Variants in ATP8A2 observed in about 807,000 individuals in gnomAD.
ATP8A2 encodes phospholipid-transporting ATPase IB.
In ATP8A2, 100 loss-of-function variants were observed where a neutral mutation model predicts 165.6. That is an observed-to-expected ratio of 0.60 (90% CI 0.51 to 0.71). The LOEUF is 0.71. Among genes scored for constraint, ATP8A2 ranks in the 30% least tolerant of loss-of-function variants. The pLI is 0.00. For synonymous variants in ATP8A2, 543 were observed against 548.8 expected, an observed-to-expected ratio of 0.99 and a Z score of 0.15; for missense variants, 1,227 against 1,479.5, an observed-to-expected ratio of 0.83 and a Z score of 2.80.
At position 25,953,925 on chromosome 13, in the gene ATP8A2, G is replaced by A. The variant is rs1385703346; in HGVS notation, c.3184-7650G>A. ...TGGGTTTCAAGCACAAAACTGCATG[G>A]CTGTTTCGGCAGACACCGAGCTAGC... On this transcript the variant is annotated intron_variant, in intron 33 of 36. Coordinates refer to ENST00000381655, the MANE Select transcript of ATP8A2 (RefSeq NM_016529.6). The surrounding 1 kb of genome is among the most constrained non-coding windows in gnomAD (Gnocchi z 6.7). 1.3e-5 allele frequency among the ~76,000 whole-genome samples: 2 copies of A among 151,498 alleles called. No individual in the cohort carries two copies.
intron 25 of ATP8A2, among the ~76,000 whole-genome samples, chr13:25,705,733 C>T (rs868446968): frequency 1.3e-5 from 2 of 152,166 alleles, no homozygotes; most frequent in Admixed American, 6.5e-5. Context: ...ATGGCATTCA[C>T]AATCCCCCCA....
intron 27 of ATP8A2, among the ~76,000 whole-genome samples, chr13:25,820,965 A>G (rs934901598): frequency 6.7e-6 from 1 of 150,100 alleles, no homozygotes; most frequent in African/African-American, 2.5e-5. Flanking sequence ...TTTTTTCTCT[A>G]CCAAGTAAAT....
intron 33 of ATP8A2, among the ~76,000 whole-genome samples, chr13:25,872,586 A>T (rs1952708340): frequency 6.6e-6 from 1 of 152,182 alleles, no homozygotes; most frequent in African/African-American, 2.4e-5. Flanking sequence ...CCCAAGGAAA[A>T]GAAGACAGCG....
intron 33 of ATP8A2, among the ~76,000 whole-genome samples, chr13:25,960,460 C>G (rs1398088480): frequency 1.3e-5 from 2 of 152,058 alleles, no homozygotes; most frequent in Non-Finnish European, 2.9e-5. Flanking sequence ...AAGTCTCACT[C>G]TCCTTTGCAG....
intron 1 of ATP8A2, among the ~76,000 whole-genome samples, chr13:25,427,286 T>C (rs75401963): frequency 0.022 from 3,313 of 151,890 alleles, 127 homozygotes; most frequent in African/African-American, 0.075. Context: ...GAAAATCTAA[T>C]GCCTGATGAT....
At chr13:25,965,051 C>G (rs573378979) in intron 34 of ATP8A2, among the ~76,000 whole-genome samples, 1 of 152,266 alleles carries the variant, frequency 6.6e-6, no homozygotes, top group East Asian at 1.9e-4. Flanking sequence ...CCCAGCTACT[C>G]AGGAGGCTGA....
intron 33 of ATP8A2, among the ~76,000 whole-genome samples, chr13:25,942,361 T>C (rs1472514507): frequency 6.6e-6 from 1 of 152,246 alleles, no homozygotes; most frequent in Non-Finnish European, 1.5e-5. Context: ...GGCTTTTCTC[T>C]AACTTTTTTT....
At chr13:25,575,191 G>A (rs944318744) in intron 19 of ATP8A2, among the ~76,000 whole-genome samples, 4 of 152,140 alleles carry the variant, frequency 2.6e-5, no homozygotes, top group African/African-American at 9.7e-5. Flanking sequence ...TTTCATTGGC[G>A]TTTCCCAAGT....
rs140401724 is a variant in ATP8A2 at position 25,609,232 on chromosome 13, A to G, written c.2211+19533A>G. ...GGAAAAAAAGCAAAAAGATAAAAAT[A>G]AACAATTTTAGGAATGAGAAAAGAG... On this transcript the variant is annotated intron_variant, in intron 24 of 36. Coordinates refer to ENST00000381655, the MANE Select transcript of ATP8A2 (RefSeq NM_016529.6). Among the ~76,000 whole-genome samples the G allele has an allele frequency of 8.5e-3, 1,289 of 152,134 alleles. 13 individuals are homozygous for G. The highest frequency in any genetic ancestry group is 0.014 in the Non-Finnish European group (935 of 67,966).
chr13:25,567,123 G>T lies in ATP8A2; in HGVS notation c.1473+3092G>T, dbSNP rs142890637. On this transcript the variant is annotated intron_variant, in intron 16 of 36. Coordinates refer to ENST00000381655, the MANE Select transcript of ATP8A2 (RefSeq NM_016529.6). ...GCTACTGGGATTCTAGTGTTTGAAA[G>T]ATTTCAAAGCTTGGTTCAGTTCATT... 210 of 313,714 alleles carry T rather than the reference G, an allele frequency of 6.7e-4. 1 individual carries two copies. The highest frequency in any genetic ancestry group is 3.9e-3 in the African/African-American group (180 of 45,668). The allele number at this position is 313,714 out of a possible 1,614,324, so 19.4% of individuals were successfully genotyped here.
chr13:25,778,813 C>T (rs2044801748), intron 27 of ATP8A2, among the ~76,000 whole-genome samples: 1 of 152,224 alleles, frequency 6.6e-6, no homozygotes, highest in African/African-American at 2.4e-5. Context: ...ATCCTCCTTA[C>T]TTTATTTGTA....
At chr13:25,660,665 A>C (rs2042030514) in intron 24 of ATP8A2, among the ~76,000 whole-genome samples, 2 of 152,250 alleles carry the variant, frequency 1.3e-5, no homozygotes, top group South Asian at 4.1e-4. Flanking sequence ...GAAAAAAAAA[A>C]GAGAGTATGT....
Position 25,975,818 on chromosome 13 carries a change from T to C in ATP8A2, c.3377+7139T>C, listed in dbSNP as rs7329214. Among the ~76,000 whole-genome samples, 377 of 152,274 alleles carry C rather than the reference T, an allele frequency of 2.5e-3. 1 individual carries two copies. The highest frequency in any genetic ancestry group is 8.4e-3 in the African/African-American group (350 of 41,558). ...TGCTTTAGGAGGCATCTCTAAATATTCCACGAGACTTTATAACATCTGTGA... is the reference window on the plus strand; with the variant it reads ...TGCTTTAGGAGGCATCTCTAAATATCCCACGAGACTTTATAACATCTGTGA... On this transcript the variant is annotated intron_variant, in intron 35 of 36. Coordinates refer to ENST00000381655, the MANE Select transcript of ATP8A2 (RefSeq NM_016529.6).
intron 24 of ATP8A2, among the ~76,000 whole-genome samples, chr13:25,595,961 A>G (rs541782636): frequency 1.3e-4 from 20 of 148,756 alleles, no homozygotes; most frequent in Admixed American, 1.2e-3. Context: ...CCTAACTTTC[A>G]TGAAAGAGAC....
intron 10 of ATP8A2, among the ~76,000 whole-genome samples, chr13:25,547,570 G>A (rs2038691180): frequency 2.0e-5 from 3 of 152,176 alleles, no homozygotes; most frequent in South Asian, 4.2e-4. Context: ...TCTACATTAT[G>A]GTGAGTTGTA....
intron 25 of ATP8A2, among the ~76,000 whole-genome samples, chr13:25,741,618 C>A (rs987031779): frequency 6.6e-6 from 1 of 151,686 alleles, no homozygotes; most frequent in African/African-American, 2.4e-5. Context: ...GACAAGCAAT[C>A]CTCCCACCTC....
At chr13:26,019,376 G>A (rs995269318) in intron 36 of ATP8A2, among the ~76,000 whole-genome samples, 4 of 152,308 alleles carry the variant, frequency 2.6e-5, no homozygotes, top group African/African-American at 7.2e-5. Context: ...CAGCCTAGGC[G>A]GCAGAGCAAG....
intron 2 of ATP8A2, among the ~76,000 whole-genome samples, chr13:25,501,033 T>C (rs1436152788): frequency 6.6e-6 from 1 of 152,248 alleles, no homozygotes; most frequent in Non-Finnish European, 1.5e-5. Context: ...CATGTTTGTA[T>C]TTCTTTGACA....
At chr13:25,635,023 G>T (rs779731752) in intron 24 of ATP8A2, among the ~76,000 whole-genome samples, 1 of 152,090 alleles carries the variant, frequency 6.6e-6, no homozygotes, top group Non-Finnish European at 1.5e-5. Context: ...AAAAGTAAAG[G>T]GGAAAAATGA....
Sources: gnomAD v4.1 joint callset for allele counts (sites outside exome capture counted in the v4.1 genomes callset) on GRCh38, gnomAD v4.1.1 for gene constraint, Gnocchi (gnomAD v3.1) non-coding constraint, MANE v1.5 for transcripts, NCBI Gene and HGNC (gene_info 2026-07-23, HGNC 2026-07-21) for gene names.